IL3RA: variants seen among roughly 807,000 people sequenced by gnomAD.
IL3RA encodes interleukin-3 receptor subunit alpha.
In IL3RA, 73 loss-of-function variants were observed where a neutral mutation model predicts 52.3. That is an observed-to-expected ratio of 1.40 (90% CI 1.16 to 1.70). The LOEUF (loss-of-function observed/expected upper bound fraction) is 1.70, where lower values mean the gene tolerates loss of function less well. Ranked by LOEUF, IL3RA falls within the 40% of genes most tolerant of loss-of-function variation. The pLI, the probability that IL3RA is intolerant of heterozygous loss-of-function variation, is 0.00. For synonymous variants in IL3RA, 260 were observed against 194.0 expected, an observed-to-expected ratio of 1.34 and a Z score of -2.83; for missense variants, 664 against 504.4, an observed-to-expected ratio of 1.32 and a Z score of -3.03.
intron 9 of IL3RA, among the ~76,000 whole-genome samples, chrX:1,368,764 C>CA (rs2088393448): frequency 6.9e-6 from 1 of 144,254 alleles, no homozygotes; most frequent in Non-Finnish European, 1.5e-5. Flanking sequence ...GAGGAACCAG[C>CA]ACTGCCCACA....
chrX:1,362,664 T>C (rs1462671665), intron 8 of IL3RA, among the ~76,000 whole-genome samples: 1 of 152,190 alleles, frequency 6.6e-6, no homozygotes, highest in Non-Finnish European at 1.5e-5. Context: ...TCCTTCCCGC[T>C]TCTCCCAGCT....
In IL3RA at chrX:1,345,289, T is replaced by A. The variant is rs139408873; in HGVS notation, c.65-27T>A. On this transcript the variant is annotated intron_variant, in intron 2 of 11. Coordinates refer to ENST00000331035, the MANE Select transcript of IL3RA (RefSeq NM_002183.4). ...CGTTTTAAGATTCTTACGTATCTCT[T>A]CGAACTCCAACCTGTCACCGTTTTA... 1.6e-3 allele frequency: 2,481 copies of A among 1,525,750 alleles called. 60 individuals carry two copies. In the African/African-American group the frequency reaches 0.03, roughly 19 times the overall value. The allele number at this position is 1,525,750 out of a possible 1,614,324, so 94.5% of individuals were successfully genotyped here. A position where few individuals can be genotyped will look rare whatever the true frequency, so the allele number is the denominator to read the frequency against.
intron 9 of IL3RA, among the ~76,000 whole-genome samples, 181 bp from the exon 10 acceptor site, chrX:1,378,478 T>C (rs1304708294): frequency 6.6e-6 from 1 of 152,188 alleles, no homozygotes; most frequent in Non-Finnish European, 1.5e-5. Context: ...TCAGGTGGCC[T>C]GCAGGTGGCC....
At chrX:1,364,624 C>T (rs1365719906) in intron 8 of IL3RA, among the ~76,000 whole-genome samples, 1 of 151,408 alleles carries the variant, frequency 6.6e-6, no homozygotes, top group Non-Finnish European at 1.5e-5. Context: ...ACATGTGTCA[C>T]CACGTCTGGT....
chrX:1,371,024 G>T (rs1210538427), intron 9 of IL3RA, among the ~76,000 whole-genome samples: 1 of 5,696 alleles, frequency 1.8e-4, no homozygotes, highest in Non-Finnish European at 2.6e-4. Flanking sequence ...ACACACAGAG[G>T]GACGACCCTG....
chrX:1,365,238 C>A lies in IL3RA; in HGVS notation c.860C>A (p.Thr287Asn), dbSNP rs200892999. ...TATGAATTCTTGAGCGCCTGGAGCA[C>A]CCCCCAGCGCTTCGGTGAGTGGGCT... ...RVYEFLSAWSTPQRFECDQEE... is the reference protein window; with the variant it reads ...RVYEFLSAWSNPQRFECDQEE... Residue 287 changes from threonine (T) to asparagine (N), a missense_variant, in exon 9 of 12, where the codon ACC becomes AAC. By Grantham distance (65) the Thr-to-Asn change is moderately conservative. Transcript: ENST00000331035. The A allele has an allele frequency of 1.2e-4, 193 of 1,604,012 alleles. 1 individual carries two copies. In the East Asian group the frequency reaches 2.8e-3, roughly 23 times the overall value.
intron 8 of IL3RA, among the ~76,000 whole-genome samples, chrX:1,364,112 C>G (rs1317678388): frequency 6.9e-6 from 1 of 145,822 alleles, no homozygotes; most frequent in African/African-American, 2.5e-5. Context: ...GGCATGAACC[C>G]GGGAAGCGGA....
At chrX:1,359,169 C>T (rs1421570109) in intron 8 of IL3RA, among the ~76,000 whole-genome samples, 1 of 151,892 alleles carries the variant, frequency 6.6e-6, no homozygotes, top group Non-Finnish European at 1.5e-5. Context: ...GGTGTGAGAG[C>T]CAGATGCTAT....
intron 4 of IL3RA, among the ~76,000 whole-genome samples, chrX:1,351,363 T>A (rs1414484617): frequency 6.6e-6 from 1 of 152,060 alleles, no homozygotes; most frequent in Non-Finnish European, 1.5e-5. Context: ...AGTCTCGCTC[T>A]TGTCACACAG....
intron 4 of IL3RA, among the ~76,000 whole-genome samples, chrX:1,348,905 C>G (rs1305076038): frequency 6.8e-6 from 1 of 147,490 alleles, no homozygotes; most frequent in African/African-American, 2.5e-5. Flanking sequence ...CTCCCTGCCT[C>G]ACTCCCTTCC....
chrX:1,360,721 G>A (rs1401337086), intron 8 of IL3RA, among the ~76,000 whole-genome samples: 5 of 151,686 alleles, frequency 3.3e-5, no homozygotes, highest in Admixed American at 1.3e-4. Context: ...TAGAGACAGG[G>A]TTTCACTAGT....
rs2086124521 is a variant in IL3RA, at chrX:1,352,248, G to T, written c.431+16G>T. 1.9e-6 allele frequency: 3 copies of T among 1,613,274 alleles called. No homozygotes were observed. The highest frequency in any genetic ancestry group is 2.5e-6 in the Non-Finnish European group (3 of 1,179,550). Reference sequence around the variant, plus strand: ...ACGTTGCCAAGTAGGTGTGCCCGTGGGCAGAGGCCGGGCTGTCCCTGGTGC... The same window carrying T: ...ACGTTGCCAAGTAGGTGTGCCCGTGTGCAGAGGCCGGGCTGTCCCTGGTGC... On this transcript the variant is annotated intron_variant, in intron 5 of 11. Transcript: ENST00000331035.
At chrX:1,376,666 A>G (rs1171903722) in intron 9 of IL3RA, among the ~76,000 whole-genome samples, 1 of 149,454 alleles carries the variant, frequency 6.7e-6, no homozygotes, top group East Asian at 2.0e-4. Context: ...CTCCAAGCCC[A>G]GGAGAGAGGC....
intron 8 of IL3RA, among the ~76,000 whole-genome samples, chrX:1,361,859 G>A (rs186512952): frequency 1.3e-4 from 19 of 151,878 alleles, no homozygotes; most frequent in African/African-American, 4.3e-4. Context: ...AGTGTGGGGG[G>A]AAACTGCCCC....
rs372774157 is a variant in IL3RA, at chrX:1,382,468, C to A, written c.*3C>A. ...TACAGGTCGTGCAGAAAACTTGAGA[C>A]TGGGGTTCAGGGCTTGTGGGGGTCT... On this transcript the variant is annotated 3_prime_UTR_variant, in exon 12 of 12. Coordinates refer to ENST00000331035, the MANE Select transcript of IL3RA (RefSeq NM_002183.4). 6.2e-7 allele frequency: 1 copy of A among 1,613,610 alleles called. No individual in the cohort carries two copies. Among genetic ancestry groups the A allele is most frequent in the Non-Finnish European group, 8.5e-7 (1 of 1,179,702 alleles).
intron 10 of IL3RA, among the ~76,000 whole-genome samples, chrX:1,379,103 A>G (rs1162192737): frequency 5.3e-5 from 8 of 151,744 alleles, no homozygotes; most frequent in South Asian, 2.1e-4. Context: ...TCAGCCTCCT[A>G]AAGTGCTGGG....
intron 4 of IL3RA, among the ~76,000 whole-genome samples, chrX:1,351,326 A>G (rs1211999950): frequency 9.2e-6 from 1 of 108,730 alleles, no homozygotes; most frequent in Non-Finnish European, 1.9e-5. Context: ...AAAAGGAATT[A>G]GAGTTTTATT....
intron 6 of IL3RA, among the ~76,000 whole-genome samples, chrX:1,354,407 G>A (rs1295282191): frequency 6.6e-6 from 1 of 150,812 alleles, no homozygotes; most frequent in Admixed American, 6.6e-5. Context: ...CAGGGTGCTC[G>A]GATGCTTCAG....
chrX:1,359,808 TTC>T (rs373695054), intron 8 of IL3RA, among the ~76,000 whole-genome samples: 138 of 130,470 alleles, frequency 1.1e-3, no homozygotes, highest in Middle Eastern at 5.0e-3. Flanking sequence ...CTCCCTCTCT[TTC>T]TCTCTCTCTC....
Sources: gnomAD v4.1 joint callset for allele counts (sites outside exome capture counted in the v4.1 genomes callset) on GRCh38, gnomAD v4.1.1 for gene constraint, MANE v1.5 for transcripts, NCBI Gene and HGNC (gene_info 2026-07-23, HGNC 2026-07-21) for gene names.